Variants in LCORL observed in about 807,000 individuals in gnomAD.
LCORL encodes the protein ligand-dependent nuclear receptor corepressor-like protein.
LCORL carries 41 observed loss-of-function variants against 141.8 expected under a neutral mutation model. The observed-to-expected ratio is 0.29, with a 90% CI of 0.23 to 0.38. LCORL has a LOEUF of 0.38. Among genes scored for constraint, LCORL ranks in the 10% least tolerant of loss-of-function variants. The pLI is 1.00. For synonymous variants in LCORL, 618 were observed against 694.1 expected, an observed-to-expected ratio of 0.89 and a Z score of 1.72; for missense variants, 1,759 against 2,035.0, an observed-to-expected ratio of 0.86 and a Z score of 2.61.
chr4:18,017,171 A>T (rs1469919937), intron 1 of LCORL, among the ~76,000 whole-genome samples: 1 of 152,124 alleles, frequency 6.6e-6, no homozygotes, highest in Non-Finnish European at 1.5e-5. Context: ...CCACTGAATA[A>T]AATTAAAAAT....
chr4:18,006,577 G>A (rs1208763714), intron 1 of LCORL, among the ~76,000 whole-genome samples: 2 of 152,168 alleles, frequency 1.3e-5, no homozygotes, highest in Non-Finnish European at 2.9e-5. Context: ...ACAGTTTGAA[G>A]TGGCTGGGGA....
At chr4:17,882,179 A>G in intron 6 of LCORL, 1 of 984,458 alleles carries the variant, frequency 1.0e-6, no homozygotes, top group Non-Finnish European at 1.2e-6. Flanking sequence ...TGATTATTAA[A>G]TACACACAAA....
Position 17,963,053 on chromosome 4 carries a change from TA to T in LCORL, c.221-5del. 1 of 1,556,340 alleles carries T rather than the reference TA, an allele frequency of 6.4e-7. No homozygotes were observed. The highest frequency in any genetic ancestry group is 8.7e-7 in the Non-Finnish European group (1 of 1,143,618). Reference sequence around the variant, plus strand: ...GTCAGCTCTTCTGGTTCACAGTCTTTAAAAGAGGGAAAAAATTCATTAAATA... The same window carrying T: ...GTCAGCTCTTCTGGTTCACAGTCTTTAAAGAGGGAAAAAATTCATTAAATA... On this transcript the variant is annotated splice_polypyrimidine_tract_variant and splice_region_variant and intron_variant, in intron 2 of 7. Coordinates refer to ENST00000635767, the Ensembl canonical transcript of LCORL.
chr4:18,021,818 C>A lies in LCORL; in HGVS notation c.-67G>T, dbSNP rs959493127. The A allele has an allele frequency of 3.8e-6, 5 of 1,303,770 alleles. No homozygotes were observed. In the African/African-American group the frequency reaches 4.7e-5, roughly 12 times the overall value. 80.8% of individuals were successfully genotyped at this position (1,303,770 alleles called of 1,614,324 possible). ...GCAGGCACGAGGCAGGGGCGCGAGC[C>A]CTCGGCGCGAGCCCCGGAGCGCGCG... is the stretch of plus-strand genomic sequence containing the variant. On this transcript the variant is annotated 5_prime_UTR_variant, in exon 1 of 8. Transcript: ENST00000635767. This position sits in a 1 kb window ranked among gnomAD's most constrained non-coding sequence, Gnocchi z 5.5.
At chr4:17,930,914 G>A (rs777556890) in intron 4 of LCORL, among the ~76,000 whole-genome samples, 15 of 152,252 alleles carry the variant, frequency 9.9e-5, no homozygotes, top group Middle Eastern at 6.8e-3. Flanking sequence ...GAGATGATCT[G>A]ATCTTAGAAG....
exon 8 of LCORL, chr4:17,841,244 C>T (rs1722371858): frequency 6.6e-6 from 1 of 151,840 alleles, no homozygotes; most frequent in South Asian, 2.1e-4. Context: ...GCAATGCATG[C>T]TTATTACAGA....
chr4:17,856,828 T>G (rs182884704), intron 7 of LCORL, among the ~76,000 whole-genome samples: 8 of 152,302 alleles, frequency 5.3e-5, no homozygotes, highest in Admixed American at 5.2e-4. Context: ...CATTACTTAT[T>G]CAGAAAGGAT....
At chr4:17,931,198 T>C (rs1735985015) in intron 4 of LCORL, among the ~76,000 whole-genome samples, 1 of 152,058 alleles carries the variant, frequency 6.6e-6, no homozygotes, top group African/African-American at 2.4e-5. Context: ...TATTACCCCC[T>C]CTCCTCCTCC....
chr4:17,999,801 C>G (rs889638937), intron 1 of LCORL, among the ~76,000 whole-genome samples: 1 of 152,106 alleles, frequency 6.6e-6, no homozygotes, highest in Non-Finnish European at 1.5e-5. Flanking sequence ...ATTTTTGATA[C>G]GATTTCTCAG....
At chr4:17,875,637 C>A in exon 7 of LCORL, 6 of 1,231,278 alleles carry the variant, frequency 4.9e-6, no homozygotes, top group Non-Finnish European at 6.1e-6. Flanking sequence ...CCTTCCAGCA[C>A]TAAAGGGCTC....
At chr4:17,916,018 T>C (rs538106436) in intron 4 of LCORL, among the ~76,000 whole-genome samples, 2 of 152,184 alleles carry the variant, frequency 1.3e-5, no homozygotes, top group Non-Finnish European at 2.9e-5. Flanking sequence ...TTAAAAAGCT[T>C]GAAACTTGTA....
chr4:17,984,391 C>T (rs190518667), intron 1 of LCORL, among the ~76,000 whole-genome samples: 3 of 152,220 alleles, frequency 2.0e-5, no homozygotes, highest in East Asian at 3.9e-4. Context: ...GTGAATCTAT[C>T]TGGTCCTGAG....
Position 17,884,489 on chromosome 4 carries a change from T to G in LCORL, c.776+1579A>C, listed in dbSNP as rs1465519562. The G allele has an allele frequency of 6.5e-7, 1 of 1,548,148 alleles. No homozygotes were observed. The highest frequency in any genetic ancestry group is 2.4e-5 in the East Asian group (1 of 40,886). On this transcript the variant is annotated intron_variant, in intron 6 of 7. Coordinates refer to ENST00000635767, the Ensembl canonical transcript of LCORL. This position sits in a 1 kb window ranked among gnomAD's most constrained non-coding sequence, Gnocchi z 4.4. ...AGCTCTTGCCCACAAGGCTACTTTTTGCAGCACTGCACAAGTTTCTTTACT... is the reference window on the plus strand; with the variant it reads ...AGCTCTTGCCCACAAGGCTACTTTTGGCAGCACTGCACAAGTTTCTTTACT...
At chr4:17,957,828 T>C (rs547881413) in intron 4 of LCORL, among the ~76,000 whole-genome samples, 4 of 151,878 alleles carry the variant, frequency 2.6e-5, no homozygotes, top group Non-Finnish European at 5.9e-5. Flanking sequence ...GGGCAACCTA[T>C]ATAAGAGAAA....
chr4:17,973,580 CA>C (rs565248032), intron 1 of LCORL, among the ~76,000 whole-genome samples: 10 of 147,772 alleles, frequency 6.8e-5, no homozygotes, highest in Non-Finnish European at 1.1e-4. Flanking sequence ...TACAGACATC[CA>C]AAAAAAAATA....
exon 8 of LCORL, chr4:17,845,459 G>T (rs967303390): frequency 3.5e-6 from 1 of 288,794 alleles, no homozygotes. Context: ...GGACAATTAC[G>T]TATTTAAACT....
chr4:17,965,199 A>G (rs1289823832), intron 2 of LCORL, among the ~76,000 whole-genome samples: 1 of 152,124 alleles, frequency 6.6e-6, no homozygotes, highest in Non-Finnish European at 1.5e-5. Flanking sequence ...TTCAAAATGT[A>G]TAGCTTTATA....
intron 4 of LCORL, among the ~76,000 whole-genome samples, chr4:17,943,251 A>G (rs1332613096): frequency 1.3e-5 from 2 of 152,198 alleles, no homozygotes; most frequent in Non-Finnish European, 2.9e-5. Flanking sequence ...ACTAAACACT[A>G]AACCTTACTC....
exon 7 of LCORL, chr4:17,878,070 G>A (rs921653484): frequency 4.0e-5 from 49 of 1,230,434 alleles, no homozygotes; most frequent in Middle Eastern, 3.1e-4. Context: ...AAGAGAAGCA[G>A]CATTCTGCTC....
Sources: gnomAD v4.1 joint callset for allele counts (sites outside exome capture counted in the v4.1 genomes callset) on GRCh38, gnomAD v4.1.1 for gene constraint, Gnocchi (gnomAD v3.1) non-coding constraint, MANE v1.5 for transcripts, NCBI Gene and HGNC (gene_info 2026-07-23, HGNC 2026-07-21) for gene names.